The following TSPAN31 variants were observed in gnomAD, a reference collection of about 807,000 sequenced individuals.
TSPAN31 encodes tetraspanin 31.
In TSPAN31, 16 loss-of-function variants were observed where a neutral mutation model predicts 24.8. That is an observed-to-expected ratio of 0.64 (90% CI 0.44 to 0.98). The LOEUF (loss-of-function observed/expected upper bound fraction) is 0.98. TSPAN31 is among the 50% of genes least tolerant of loss of function. TSPAN31 has a pLI of 0.00. For synonymous variants in TSPAN31, 87 were observed against 91.4 expected (o/e 0.95, Z 0.27); for missense variants, 209 against 251.6 (o/e 0.83, Z 1.15).
chr12:57,745,699 GC>G, intron 1 of TSPAN31, 45 bp from the exon 2 acceptor site: 3 of 1,611,644 alleles, frequency 1.9e-6, no homozygotes, highest in Non-Finnish European at 2.5e-6. Context: ...CTTGGGCTGT[GC>G]CGCATGCTAG....
At position 57,748,542 on chromosome 12, in the gene TSPAN31, C is replaced by A. The variant is rs1161260206; in HGVS notation, c.*1252C>A. On this transcript the variant is annotated 3_prime_UTR_variant, in exon 6 of 6. Coordinates refer to ENST00000257910, the MANE Select transcript of TSPAN31 (RefSeq NM_005981.5). ...TCCATTGCTCACTCCGGATTACCTT[C>A]ATCCTTATGTAGATAAGAGTGCTGC... 2 of 1,613,098 alleles carry A rather than the reference C, an allele frequency of 1.2e-6. No individual in the cohort carries two copies. Among genetic ancestry groups the A allele is most frequent in the South Asian group, 1.1e-5 (1 of 91,044 alleles).
chr12:57,747,279 GC>G lies in TSPAN31; in HGVS notation c.624del (p.Leu210TyrfsTer25). On this transcript the variant is annotated frameshift_variant, in exon 6 of 6. Transcript: ENST00000257910. LOFTEE classifies it high-confidence loss of function. ...NQKDPRANPS[A>X]FL Reference sequence around the variant, plus strand: ...GAAGGATCCTAGAGCCAACCCCAGTGCCTTTCTATGAGACTTTGGATCCTTC... The same window carrying G: ...GAAGGATCCTAGAGCCAACCCCAGTGCTTTCTATGAGACTTTGGATCCTTC... 2 of 1,614,120 alleles carry G rather than the reference GC, an allele frequency of 1.2e-6. No homozygotes were observed. The highest frequency in any genetic ancestry group is 1.7e-6 in the Non-Finnish European group (2 of 1,180,006).
rs1299577422 is a variant in TSPAN31 at position 57,748,599 on chromosome 12, G to A, written c.*1309G>A. 9 of 1,613,590 alleles carry A rather than the reference G, an allele frequency of 5.6e-6. No individual in the cohort carries two copies. The highest frequency in any genetic ancestry group is 7.6e-6 in the Non-Finnish European group (9 of 1,179,658). ...CGAAAGGCAGAGATTCGCTTGTGTGGGTTAAAAGTCAGCATTTCCTGAGGG... is the reference window on the plus strand; with the variant it reads ...CGAAAGGCAGAGATTCGCTTGTGTGAGTTAAAAGTCAGCATTTCCTGAGGG... On this transcript the variant is annotated 3_prime_UTR_variant, in exon 6 of 6. Coordinates refer to ENST00000257910, the MANE Select transcript of TSPAN31 (RefSeq NM_005981.5).
rs1955194964 is a variant in TSPAN31, at chr12:57,748,939, C to A, written c.*1649C>A. Reference sequence around the variant, plus strand: ...CAGGCTGGTCTCGAACTCCTGACCTCAGGTGATACGCCCACCTTGGCCTCC... The same window carrying A: ...CAGGCTGGTCTCGAACTCCTGACCTAAGGTGATACGCCCACCTTGGCCTCC... On this transcript the variant is annotated 3_prime_UTR_variant, in exon 6 of 6. Coordinates refer to ENST00000257910, the MANE Select transcript of TSPAN31 (RefSeq NM_005981.5). The A allele has an allele frequency of 1.7e-6, 1 of 585,956 alleles. No individual in the cohort carries two copies. Among genetic ancestry groups the A allele is most frequent in the Non-Finnish European group, 3.0e-6 (1 of 330,642 alleles). The allele number at this position is 585,956 out of a possible 1,614,324, so 36.3% of individuals were successfully genotyped here. A position where few individuals can be genotyped will look rare whatever the true frequency, so the allele number is the denominator to read the frequency against.
Position 57,748,573 on chromosome 12 carries a change from T to A in TSPAN31, c.*1283T>A, listed in dbSNP as rs1369349270. 3 of 1,613,890 alleles carry A rather than the reference T, an allele frequency of 1.9e-6. No individual in the cohort carries two copies. In the African/African-American group the frequency reaches 4.0e-5, roughly 22 times the overall value. On this transcript the variant is annotated 3_prime_UTR_variant, in exon 6 of 6. Transcript: ENST00000257910. ...TATGTAGATAAGAGTGCTGCAGAGC[T>A]CGAAAGGCAGAGATTCGCTTGTGTG... is the stretch of plus-strand genomic sequence containing the variant.
rs773490152 is a variant in TSPAN31 at position 57,749,477 on chromosome 12, G to A, written c.*2187G>A. On this transcript the variant is annotated 3_prime_UTR_variant, in exon 6 of 6. Coordinates refer to ENST00000257910, the MANE Select transcript of TSPAN31 (RefSeq NM_005981.5). ...ACTCAAAGATTTTGCCCAACTGGTC[G>A]GCTTCAGAGTTTCCACAGAAGAGAG... 14 of 1,614,088 alleles carry A rather than the reference G, an allele frequency of 8.7e-6. No individual in the cohort carries two copies. The highest frequency in any genetic ancestry group is 5.5e-5 in the South Asian group (5 of 91,092).
Position 57,747,019 on chromosome 12 carries a change from T to C in TSPAN31, c.446T>C (p.Ile149Thr), listed in dbSNP as rs775693152. Residue 149 changes from isoleucine to threonine, a missense_variant and splice_region_variant, in exon 5 of 6, where the codon ATC becomes ACC. By Grantham distance (89) the Ile-to-Thr change is moderately conservative (BLOSUM62 -1). Coordinates refer to ENST00000257910, the MANE Select transcript of TSPAN31 (RefSeq NM_005981.5). ...YQQDYDFCTA[I>T]CKSQSPTCQM... is the part of the protein sequence containing the mutation. ...GCATTCTTCACGTTTTATCCTCAGA[T>C]CTGCAAGAGCCAGAGCCCCACATGC... 1 of 1,613,634 alleles carries C rather than the reference T, an allele frequency of 6.2e-7. No homozygotes were observed. Among genetic ancestry groups the C allele is most frequent in the South Asian group, 1.1e-5 (1 of 91,010 alleles).
intron 1 of TSPAN31, 94 bp from the exon 2 acceptor site, chr12:57,745,651 C>T (rs1955138063): frequency 6.7e-7 from 1 of 1,489,750 alleles, no homozygotes; most frequent in African/African-American, 1.4e-5. Context: ...TTCCATTATT[C>T]CTTCCCCCTG....
At position 57,749,156 on chromosome 12, in the gene TSPAN31, CCTGTGCCCA is replaced by C. The variant is rs1565805583; in HGVS notation, c.*1868_*1876del. 2 of 1,613,992 alleles carry C rather than the reference CCTGTGCCCA, an allele frequency of 1.2e-6. No homozygotes were observed. The highest frequency in any genetic ancestry group is 2.2e-5 in the South Asian group (2 of 91,076). ...TCTTTCCCCAGTCTCTATTTCTTTC[CCTGTGCCCA>C]CAGCCATCTCCAGTACCAGCAGCAG... On this transcript the variant is annotated 3_prime_UTR_variant, in exon 6 of 6. Transcript: ENST00000257910.
Position 57,749,549 on chromosome 12 carries a change from T to C in TSPAN31, c.*2259T>C, listed in dbSNP as rs371444475. The C allele has an allele frequency of 9.6e-5, 152 of 1,577,816 alleles. No homozygotes were observed. In the African/African-American group the frequency reaches 1.7e-3, roughly 18 times the overall value. On this transcript the variant is annotated 3_prime_UTR_variant, in exon 6 of 6. Coordinates refer to ENST00000257910, the MANE Select transcript of TSPAN31 (RefSeq NM_005981.5). ...AAGGTAGCAGTCATTTTCAAAGATA[T>C]CTTAGTTGAATGGTTACTGCTTAGT...
At position 57,748,526 on chromosome 12, in the gene TSPAN31, C is replaced by T. The variant is rs1595107648; in HGVS notation, c.*1236C>T. On this transcript the variant is annotated 3_prime_UTR_variant, in exon 6 of 6. Coordinates refer to ENST00000257910, the MANE Select transcript of TSPAN31 (RefSeq NM_005981.5). ...CTTCCATGGCAGCCACTCCATTGCT[C>T]ACTCCGGATTACCTTCATCCTTATG... is the stretch of plus-strand genomic sequence containing the variant. 1.2e-6 allele frequency: 2 copies of T among 1,609,278 alleles called. No homozygotes were observed. The highest frequency in any genetic ancestry group is 1.7e-6 in the Non-Finnish European group (2 of 1,175,760).
In TSPAN31 at chr12:57,745,215, A is replaced by AT; in HGVS notation, c.62dup (p.Met21IlefsTer80). 1 of 1,609,950 alleles carries AT rather than the reference A, an allele frequency of 6.2e-7. No individual in the cohort carries two copies. Among genetic ancestry groups the AT allele is most frequent in the Non-Finnish European group, 8.5e-7 (1 of 1,178,138 alleles). On this transcript the variant is annotated frameshift_variant and splice_region_variant, in exon 1 of 6. Transcript: ENST00000257910. LOFTEE classifies it high-confidence loss of function. The stretch of plus-strand genomic sequence containing the variant: ...GCTTTGCGCTCTCAACGTGGTCTAC[A>AT]TGGTGAGGTTTTGGAGGTGGGGGAA...
chr12:57,747,352 A>G lies in TSPAN31; in HGVS notation c.*62A>G. 6.7e-7 allele frequency: 1 copy of G among 1,497,158 alleles called. No homozygotes were observed. The highest frequency in any genetic ancestry group is 1.7e-5 in the Admixed American group (1 of 57,864). 92.7% of individuals were successfully genotyped at this position (1,497,158 alleles called of 1,614,324 possible). A position where few individuals can be genotyped will look rare whatever the true frequency, so the allele number is the denominator to read the frequency against. ...TAAGCTTTCTCTTCCTCCCTTAGGG[A>G]ATATCTAGGGTCTGTAACCGTTTTG... On this transcript the variant is annotated 3_prime_UTR_variant, in exon 6 of 6. Transcript: ENST00000257910.
chr12:57,748,377 G>A lies in TSPAN31; in HGVS notation c.*1087G>A. On this transcript the variant is annotated 3_prime_UTR_variant, in exon 6 of 6. Coordinates refer to ENST00000257910, the MANE Select transcript of TSPAN31 (RefSeq NM_005981.5). ...GAAGCCTCAAAAGGAGAGGTGGGAG[G>A]GGAATGTCATTAAGGCAGCAAAGTA... The A allele has an allele frequency of 1.4e-6, 1 of 737,934 alleles. No individual in the cohort carries two copies. The highest frequency in any genetic ancestry group is 1.7e-5 in the African/African-American group (1 of 58,334). The allele number at this position is 737,934 out of a possible 1,614,324, so 45.7% of individuals were successfully genotyped here. A position where few individuals can be genotyped will look rare whatever the true frequency, so the allele number is the denominator to read the frequency against.
chr12:57,746,303 C>T (rs1020471312), intron 3 of TSPAN31, 47 bp downstream of exon 3: 3 of 1,553,840 alleles, frequency 1.9e-6, no homozygotes, highest in South Asian at 1.1e-5. Context: ...TAAAATTTTC[C>T]TCTTAACCTC....
chr12:57,749,375 C>A lies in TSPAN31; in HGVS notation c.*2085C>A, dbSNP rs1488349841. The A allele has an allele frequency of 6.2e-7, 1 of 1,612,936 alleles. No homozygotes were observed. Among genetic ancestry groups the A allele is most frequent in the Non-Finnish European group, 8.5e-7 (1 of 1,179,018 alleles). On this transcript the variant is annotated 3_prime_UTR_variant, in exon 6 of 6. Transcript: ENST00000257910. ...GTCCTCCAGTTCCCATCCCCATGGG[C>A]AGAGCCAGTTGCCATCCTGGGTTCA... is the stretch of plus-strand genomic sequence containing the variant.
chr12:57,748,575 G>C lies in TSPAN31; in HGVS notation c.*1285G>C, dbSNP rs587779897. ...TGTAGATAAGAGTGCTGCAGAGCTC[G>C]AAAGGCAGAGATTCGCTTGTGTGGG... On this transcript the variant is annotated 3_prime_UTR_variant, in exon 6 of 6. Coordinates refer to ENST00000257910, the MANE Select transcript of TSPAN31 (RefSeq NM_005981.5). The C allele has an allele frequency of 1.2e-6, 2 of 1,613,992 alleles. No homozygotes were observed. Among genetic ancestry groups the C allele is most frequent in the East Asian group, 4.5e-5 (2 of 44,890 alleles).
At position 57,747,254 on chromosome 12, in the gene TSPAN31, G is replaced by C. The variant is rs755622313; in HGVS notation, c.597G>C (p.Gln199His). 1 of 1,614,186 alleles carries C rather than the reference G, an allele frequency of 6.2e-7. No homozygotes were observed. The highest frequency in any genetic ancestry group is 8.5e-7 in the Non-Finnish European group (1 of 1,180,018). Residue 199 changes from glutamine to histidine, a missense_variant, in exon 6 of 6, where the codon CAG becomes CAC. By Grantham distance (24) the Gln-to-His change is conservative. Coordinates refer to ENST00000257910, the MANE Select transcript of TSPAN31 (RefSeq NM_005981.5). ...GVWLAMRFRN[Q>H]KDPRANPSAF... ...GGCTAGCAATGAGATTTCGGAATCA[G>C]AAGGATCCTAGAGCCAACCCCAGTG...
chr12:57,745,286 C>T, intron 1 of TSPAN31, 69 bp downstream of exon 1: 1 of 1,535,728 alleles, frequency 6.5e-7, no homozygotes, highest in Non-Finnish European at 8.9e-7. Context: ...TAGGGTACTT[C>T]CGGTGGGGAG....
Sources: allele counts gnomAD v4.1 joint callset, GRCh38; gene constraint gnomAD v4.1.1; transcripts MANE v1.5; gene names NCBI Gene and HGNC (gene_info 2026-07-23, HGNC 2026-07-21).